EPHA7: variants seen among roughly 807,000 people sequenced by gnomAD.
The protein encoded by EPHA7 is EPH receptor A7, also known as ephrin type-A receptor 7.
A neutral mutation model predicts 112.6 loss-of-function variants in EPHA7; 25 were observed. The observed-to-expected ratio is 0.22, with a 90% CI of 0.16 to 0.31. The LOEUF (loss-of-function observed/expected upper bound fraction) is 0.31. Among genes scored for constraint, EPHA7 ranks in the 10% least tolerant of loss-of-function variants. The pLI is 1.00. For missense variants in EPHA7, 962 were observed against 1,212.6 expected (o/e 0.79, Z 3.07); for synonymous variants, 437 against 406.5 (o/e 1.07, Z -0.90).
intron 8 of EPHA7, 60 bp from the exon 9 acceptor site, chr6:93,263,975 G>T: frequency 7.8e-7 from 1 of 1,283,906 alleles, no homozygotes; most frequent in Non-Finnish European, 1.1e-6. Context: ...TTAATATTCA[G>T]TACAATGTAC....
chr6:93,394,196 T>C (rs1778049355), intron 3 of EPHA7, among the ~76,000 whole-genome samples: 1 of 151,886 alleles, frequency 6.6e-6, no homozygotes, highest in African/African-American at 2.4e-5. Flanking sequence ...GTTATCGTAC[T>C]ACTTCAAAAA....
At chr6:93,262,825 CT>C in intron 9 of EPHA7, among the ~76,000 whole-genome samples, 1 of 150,952 alleles carries the variant, frequency 6.6e-6, no homozygotes, top group East Asian at 1.9e-4. Context: ...GTCATTTGAG[CT>C]TTTTTATTAA....
At chr6:93,364,215 T>A (rs1450325647) in intron 3 of EPHA7, among the ~76,000 whole-genome samples, 1 of 152,076 alleles carries the variant, frequency 6.6e-6, no homozygotes, top group African/African-American at 2.4e-5. Flanking sequence ...TATATCTTAA[T>A]AAAGCTCTCA....
At chr6:93,257,222 T>C (rs1371898755) in intron 12 of EPHA7, among the ~76,000 whole-genome samples, 3 of 152,094 alleles carry the variant, frequency 2.0e-5, no homozygotes, top group South Asian at 2.1e-4. Flanking sequence ...GCATCCTCCA[T>C]ACCTCAGGTA....
intron 5 of EPHA7, among the ~76,000 whole-genome samples, chr6:93,285,854 T>A (rs1180180325): frequency 2.6e-5 from 4 of 152,184 alleles, no homozygotes; most frequent in Admixed American, 2.0e-4. Context: ...CTTTTTTCAG[T>A]TAGAGCTGGG....
chr6:93,271,128 C>A (rs1771197454), intron 6 of EPHA7, among the ~76,000 whole-genome samples: 1 of 151,706 alleles, frequency 6.6e-6, no homozygotes, highest in South Asian at 2.1e-4. Flanking sequence ...AAACAATAAT[C>A]CCCTCTAAAA....
chr6:93,320,958 G>GTA (rs765448194), intron 5 of EPHA7, among the ~76,000 whole-genome samples: 1 of 151,738 alleles, frequency 6.6e-6, no homozygotes, highest in Non-Finnish European at 1.5e-5. Flanking sequence ...GATAGTTTGT[G>GTA]TATATTTTGT....
Position 93,356,971 on chromosome 6 carries a change from T to C in EPHA7, c.1070A>G (p.Asn357Ser), listed in dbSNP as rs1582585734. ...GTAGGTCACATCGTTTCTTCCCCCA[T>C]TGTCTGCAGGAGGACTCCATTCCAA... is the stretch of plus-strand genomic sequence containing the variant. ...VSLEWSPPAD[N>S]GGRNDVTYRI... The change falls in exon 5 of 17, where the codon AAT (asparagine) becomes AGT (serine). Residue 357 changes from asparagine (N) to serine (S), a missense_variant. This residue lies in a region of EPHA7 where 746 missense variants were observed against 889.2 expected (regional missense o/e 0.84). Coordinates refer to ENST00000369303, the MANE Select transcript of EPHA7 (RefSeq NM_004440.4). 1.2e-6 allele frequency: 2 copies of C among 1,614,130 alleles called. No individual in the cohort carries two copies. Among genetic ancestry groups the C allele is most frequent in the Non-Finnish European group, 1.7e-6 (2 of 1,180,008 alleles).
At chr6:93,378,939 C>T (rs947048563) in intron 3 of EPHA7, among the ~76,000 whole-genome samples, 2 of 152,104 alleles carry the variant, frequency 1.3e-5, no homozygotes, top group African/African-American at 4.8e-5. Flanking sequence ...CTGTCAATTA[C>T]AATTTTCTAA....
intron 3 of EPHA7, among the ~76,000 whole-genome samples, chr6:93,394,181 TC>T (rs1450686069): frequency 6.6e-6 from 1 of 151,884 alleles, no homozygotes; most frequent in Non-Finnish European, 1.5e-5. Flanking sequence ...CTCAAGTTAT[TC>T]TTTGTTATCG....
At chr6:93,321,929 T>C (rs972316938) in intron 5 of EPHA7, among the ~76,000 whole-genome samples, 2 of 151,890 alleles carry the variant, frequency 1.3e-5, no homozygotes, top group Non-Finnish European at 2.9e-5. Flanking sequence ...TTACTGCCAC[T>C]GTACGACCTT....
intron 3 of EPHA7, among the ~76,000 whole-genome samples, chr6:93,376,082 G>C (rs6908499): frequency 0.13 from 19,645 of 151,944 alleles, 1,346 homozygotes; most frequent in East Asian, 0.21. Context: ...GAAGAGAGAG[G>C]GCACACTGCT....
chr6:93,404,468 TA>T (rs1433935531), intron 3 of EPHA7, among the ~76,000 whole-genome samples: 1 of 151,872 alleles, frequency 6.6e-6, no homozygotes. Context: ...CTAGCTTGAT[TA>T]AAAAGCAGTT....
rs76102016 is a variant in EPHA7 at position 93,316,531 on chromosome 6, T to C, written c.1324+40186A>G. The stretch of plus-strand genomic sequence containing the variant: ...AATTTCTAGATAGTGTGTAACACTA[T>C]TTCTGTGAAAACATCTATACTTTTA... On this transcript the variant is annotated intron_variant, in intron 5 of 16. Coordinates refer to ENST00000369303, the MANE Select transcript of EPHA7 (RefSeq NM_004440.4). Among the ~76,000 whole-genome samples, 753 of 152,258 alleles carry C rather than the reference T, an allele frequency of 4.9e-3. 12 individuals are homozygous for C. Among genetic ancestry groups the C allele is most frequent in the African/African-American group, 0.017 (726 of 41,564 alleles).
chr6:93,348,235 T>C (rs185678330), intron 5 of EPHA7, among the ~76,000 whole-genome samples: 124 of 151,986 alleles, frequency 8.2e-4, no homozygotes, highest in Non-Finnish European at 1.4e-3. Flanking sequence ...TATTTCCTTA[T>C]GTATGTTTTA....
At chr6:93,391,382 T>C (rs1335610160) in intron 3 of EPHA7, among the ~76,000 whole-genome samples, 2 of 152,070 alleles carry the variant, frequency 1.3e-5, no homozygotes, top group East Asian at 3.9e-4. Context: ...AAAAGAAAAC[T>C]GGAAAATACT....
intron 5 of EPHA7, among the ~76,000 whole-genome samples, chr6:93,300,076 C>T (rs922185602): frequency 6.6e-6 from 1 of 152,132 alleles, no homozygotes; most frequent in African/African-American, 2.4e-5. Context: ...ACCCCTGTCA[C>T]ACACGAGTTT....
At chr6:93,262,360 G>A (rs1434664973) in intron 9 of EPHA7, among the ~76,000 whole-genome samples, 3 of 151,296 alleles carry the variant, frequency 2.0e-5, no homozygotes, top group African/African-American at 7.3e-5. Flanking sequence ...TGACATTGGG[G>A]GCATATCAAA....
At chr6:93,403,358 TAA>T (rs61376259) in intron 3 of EPHA7, among the ~76,000 whole-genome samples, 2 of 145,316 alleles carry the variant, frequency 1.4e-5, no homozygotes, top group African/African-American at 2.5e-5. Context: ...GGCGGGTAGG[TAA>T]AAAAAAAAAA....
Sources: gnomAD v4.1 joint callset for allele counts (sites outside exome capture counted in the v4.1 genomes callset) on GRCh38, gnomAD v4.1.1 for gene constraint, gnomAD v4.1.1 regional missense constraint, MANE v1.5 for transcripts, NCBI Gene and HGNC (gene_info 2026-07-23, HGNC 2026-07-21) for gene names.